The following AKT1 variants were observed in gnomAD, a reference collection of about 807,000 sequenced individuals.
AKT1 encodes RAC-alpha serine/threonine-protein kinase.
Under a neutral mutation model 63.1 loss-of-function variants are expected in AKT1, and 21 were observed. The observed-to-expected ratio is 0.33, with a 90% CI of 0.24 to 0.48. AKT1 has a LOEUF of 0.48. Ranked by LOEUF, AKT1 falls within the 20% of genes least tolerant of loss-of-function variation. The pLI, the probability that AKT1 is intolerant of heterozygous loss-of-function variation, is 0.99. For synonymous variants in AKT1, 257 were observed against 253.1 expected, an observed-to-expected ratio of 1.02 and a Z score of -0.15; for missense variants, 382 against 666.0, an observed-to-expected ratio of 0.57 and a Z score of 4.69.
intron 1 of AKT1, chr14:104,794,487 C>T (rs1893788958): frequency 6.6e-6 from 1 of 152,240 alleles, no homozygotes; most frequent in African/African-American, 2.4e-5. Context: ...TTCCCACAGC[C>T]TCCGTACCTG....
chr14:104,776,835 C>T, intron 4 of AKT1, 65 bp from the exon 5 acceptor site: 1 of 1,404,188 alleles, frequency 7.1e-7, no homozygotes, highest in Non-Finnish European at 9.9e-7. Context: ...CTCACCACAG[C>T]CCCCGCTGCA....
In AKT1 at chr14:104,770,228, AGCGTG is replaced by A; in HGVS notation, c.*108_*112del. The A allele has an allele frequency of 8.4e-7, 1 of 1,187,864 alleles. No individual in the cohort carries two copies. The allele number at this position is 1,187,864 out of a possible 1,614,324, so 73.6% of individuals were successfully genotyped here. ...TCTTTCCATCTGGGCTCGAGAGGAC[AGCGTG>A]GCTTCTCTCAAATGCACCCGAGAAA... is the stretch of plus-strand genomic sequence containing the variant. On this transcript the variant is annotated 3_prime_UTR_variant, in exon 15 of 15. Transcript: ENST00000649815.
At chr14:104,776,391 C>A in intron 5 of AKT1, 1 of 380,306 alleles carries the variant, frequency 2.6e-6, no homozygotes, top group Non-Finnish European at 4.9e-6. Flanking sequence ...AAGTGATCTG[C>A]GCACCTCGGC....
At position 104,773,559 on chromosome 14, in the gene AKT1, C is replaced by T. The variant is rs1339827175; in HGVS notation, c.724G>A (p.Glu242Lys). 6.2e-7 allele frequency: 1 copy of T among 1,607,932 alleles called. No individual in the cohort carries two copies. The highest frequency in any genetic ancestry group is 1.1e-5 in the South Asian group (1 of 89,938). ...GCCCGGTCCTCGGAGAACACACGCTCCCGGGACAGGTGGAAGAACAGCTGC... is the reference window on the plus strand; with the variant it reads ...GCCCGGTCCTCGGAGAACACACGCTTCCGGGACAGGTGGAAGAACAGCTGC... ...GGELFFHLSR[E>K]RVFSEDRARF... Residue 242 changes from glutamate to lysine, a missense_variant, in exon 10 of 15, where the codon GAG (glutamate) becomes AAG (lysine). By Grantham distance (56) the Glu-to-Lys change is moderately conservative. Coordinates refer to ENST00000649815, the MANE Select transcript of AKT1 (RefSeq NM_001382430.1).
At position 104,785,169 on chromosome 14, in the gene AKT1, G is replaced by A. The variant is rs762012814; in HGVS notation, c.47-4953C>T. Reference sequence around the variant, plus strand: ...ACCTTCTCCAGCACATTGAGCAGACGGCTCCGCTGACGGCAGCCCATGAGG... The same window carrying A: ...ACCTTCTCCAGCACATTGAGCAGACAGCTCCGCTGACGGCAGCCCATGAGG... On this transcript the variant is annotated intron_variant, in intron 3 of 14. Coordinates refer to ENST00000649815, the MANE Select transcript of AKT1 (RefSeq NM_001382430.1). Among the ~76,000 whole-genome samples, 51 of 152,234 alleles carry A rather than the reference G, an allele frequency of 3.4e-4. 1 individual carries two copies. The highest frequency in any genetic ancestry group is 6.8e-3 in the Middle Eastern group (2 of 294).
chr14:104,788,867 C>T (rs528183512), intron 3 of AKT1, among the ~76,000 whole-genome samples: 1 of 152,220 alleles, frequency 6.6e-6, no homozygotes, highest in South Asian at 2.1e-4. Flanking sequence ...GGCATGGGCC[C>T]GGGGTAGGGC....
Position 104,795,745 on chromosome 14 carries a change from C to T in AKT1, c.-519G>A, listed in dbSNP as rs1165947873. ...CGCCTGCCGCGCTCGGTCCTGCCGC[C>T]GCCGCCGGCCCGCCCTCTCCCCGCC... is the stretch of plus-strand genomic sequence containing the variant. On this transcript the variant is annotated 5_prime_UTR_variant, in exon 1 of 15. Coordinates refer to ENST00000649815, the MANE Select transcript of AKT1 (RefSeq NM_001382430.1). The surrounding 1 kb of genome is among the most constrained non-coding windows in gnomAD (Gnocchi z 5.1). 1 of 146,928 alleles carries T rather than the reference C, an allele frequency of 6.8e-6. No homozygotes were observed. The highest frequency in any genetic ancestry group is 1.5e-5 in the Non-Finnish European group (1 of 65,812). 9.1% of individuals were successfully genotyped at this position (146,928 alleles called of 1,614,324 possible). A position where few individuals can be genotyped will look rare whatever the true frequency, so the allele number is the denominator to read the frequency against.
At chr14:104,770,600 C>T (rs1892329427) in intron 14 of AKT1, 145 bp downstream of exon 14, 1 of 935,948 alleles carries the variant, frequency 1.1e-6, no homozygotes, top group East Asian at 2.6e-5. Flanking sequence ...CACTGCCTCC[C>T]ACCCTGATCA....
At chr14:104,788,510 A>G (rs1381304771) in intron 3 of AKT1, among the ~76,000 whole-genome samples, 3 of 152,206 alleles carry the variant, frequency 2.0e-5, no homozygotes, top group South Asian at 2.1e-4. Context: ...CTCCAGGATG[A>G]AGGGGAGTGG....
intron 3 of AKT1, among the ~76,000 whole-genome samples, chr14:104,790,711 G>A (rs756886492): frequency 3.3e-5 from 5 of 152,162 alleles, no homozygotes; most frequent in African/African-American, 7.2e-5. Context: ...AGGAAGAGCC[G>A]GGGGTAGAGG....
At chr14:104,777,269 G>C (rs139394329) in intron 4 of AKT1, 1,615 of 119,762 alleles carry the variant, frequency 0.013, 3 homozygotes, top group Non-Finnish European at 0.016. Context: ...TGGGGCACAG[G>C]CACACCTGGG....
In AKT1 at chr14:104,772,437, G is replaced by T; in HGVS notation, c.1188C>A (p.Ser396=). The T allele has an allele frequency of 5.0e-6, 8 of 1,613,478 alleles. No individual in the cohort carries two copies. Among genetic ancestry groups the T allele is most frequent in the Non-Finnish European group, 6.8e-6 (8 of 1,180,016 alleles). Reference sequence around the variant, plus strand: ...GCTGCATGATCTCCTTGGCGTCCTCGGAGCCCCCGCCAAGCCTGCAGGCAG... The same window carrying T: ...GCTGCATGATCTCCTTGGCGTCCTCTGAGCCCCCGCCAAGCCTGCAGGCAG... ...KDPKQRLGGG[S]EDAKEIMQHR... is the part of the protein sequence containing the mutation. Residue 396 remains serine, a synonymous_variant, in exon 13 of 15, where the codon TCC becomes TCA. Transcript: ENST00000649815.
intron 1 of AKT1, chr14:104,794,907 G>A (rs1011573419): frequency 6.6e-6 from 1 of 152,322 alleles, no homozygotes. Context: ...CCTCTGGGAT[G>A]GGCGGGCAGG....
chr14:104,791,576 A>T (rs1290533326), intron 3 of AKT1, among the ~76,000 whole-genome samples: 1 of 152,046 alleles, frequency 6.6e-6, no homozygotes, highest in African/African-American at 2.4e-5. Context: ...CCCCACCCCC[A>T]GGCTCCTGTG....
At chr14:104,781,580 C>A (rs1346493509) in intron 3 of AKT1, among the ~76,000 whole-genome samples, 1 of 152,194 alleles carries the variant, frequency 6.6e-6, no homozygotes, top group East Asian at 1.9e-4. Context: ...ACATGGCCAC[C>A]CCCCGGCCAG....
chr14:104,772,800 C>G, intron 12 of AKT1, 78 bp downstream of exon 12: 2 of 1,443,394 alleles, frequency 1.4e-6, no homozygotes, highest in South Asian at 2.6e-5. Flanking sequence ...GTGCCAGGAC[C>G]GCCTGGCGCA....
At chr14:104,778,538 C>T (rs543543633) in intron 4 of AKT1, 1 of 152,252 alleles carries the variant, frequency 6.6e-6, no homozygotes, top group African/African-American at 2.4e-5. Flanking sequence ...CCAACCCCAG[C>T]CCCTCAGCCT....
At chr14:104,779,870 C>T (rs1427946727) in intron 4 of AKT1, among the ~76,000 whole-genome samples, 2 of 151,518 alleles carry the variant, frequency 1.3e-5, no homozygotes, top group African/African-American at 4.9e-5. Context: ...AGCCTGGAGA[C>T]TCCCACCCAG....
intron 3 of AKT1, among the ~76,000 whole-genome samples, chr14:104,780,656 G>A (rs1892979821): frequency 6.6e-6 from 1 of 152,218 alleles, no homozygotes; most frequent in African/African-American, 2.4e-5. Context: ...ATCAACCAGG[G>A]TCGGCCAGGT....
Sources: allele counts gnomAD v4.1 joint callset (sites outside exome capture counted in the v4.1 genomes callset), GRCh38; gene constraint gnomAD v4.1.1; non-coding constraint Gnocchi (gnomAD v3.1); transcripts MANE v1.5; gene names NCBI Gene and HGNC (gene_info 2026-07-23, HGNC 2026-07-21).